HAPSTR1: variants seen among roughly 807,000 people sequenced by gnomAD.
HAPSTR1 encodes the protein HUWE1 associated protein modifying stress responses.
At chr16:9,119,044 C>CTTAT in the HAPSTR1 span, 5 of 152,590 alleles carry the variant, frequency 3.3e-5, no homozygotes, top group Non-Finnish European at 7.3e-5. Flanking sequence ...ATTTATATGC[C>CTTAT]TTATTGGCTT....
chr16:9,115,629 CTT>C, the HAPSTR1 span, among the ~76,000 whole-genome samples: 11 of 152,164 alleles, frequency 7.2e-5, no homozygotes, highest in Admixed American at 1.3e-4. Context: ...TAAAGTAACT[CTT>C]TTGTTTTTGA....
chr16:9,093,185 G>C, the HAPSTR1 span, among the ~76,000 whole-genome samples: 1 of 151,962 alleles, frequency 6.6e-6, no homozygotes, highest in Non-Finnish European at 1.5e-5. Context: ...ACCTCCCTCC[G>C]CCCCCCGGGA....
chr16:9,115,017 G>A, the HAPSTR1 span, among the ~76,000 whole-genome samples: 931 of 152,264 alleles, frequency 6.1e-3, 12 homozygotes, highest in African/African-American at 0.022. Context: ...TCTTCTGCAG[G>A]GAGAGCAGCC....
At chr16:9,113,384 C>G in the HAPSTR1 span, among the ~76,000 whole-genome samples, 1 of 152,152 alleles carries the variant, frequency 6.6e-6, no homozygotes, top group Non-Finnish European at 1.5e-5. Flanking sequence ...TTAGAATTTT[C>G]AGATTGACCA....
chr16:9,093,654 G>A, the HAPSTR1 span, among the ~76,000 whole-genome samples: 1 of 152,310 alleles, frequency 6.6e-6, no homozygotes, highest in East Asian at 1.9e-4. Context: ...TTGCTGGCAG[G>A]AATTCTGTTG....
chr16:9,115,500 A>T, the HAPSTR1 span, among the ~76,000 whole-genome samples: 2 of 152,294 alleles, frequency 1.3e-5, no homozygotes, highest in East Asian at 3.9e-4. Context: ...CCTGACTCAT[A>T]CCTTTCACAG....
chr16:9,119,065 T>A, the HAPSTR1 span: 2 of 152,670 alleles, frequency 1.3e-5, no homozygotes, highest in Non-Finnish European at 2.9e-5. Flanking sequence ...CATTAAACTT[T>A]TAGAAAACTT....
At chr16:9,115,638 T>C in the HAPSTR1 span, among the ~76,000 whole-genome samples, 1 of 152,178 alleles carries the variant, frequency 6.6e-6, no homozygotes, top group East Asian at 1.9e-4. Context: ...TCTTTTGTTT[T>C]TGAGACGGAG....
the HAPSTR1 span, among the ~76,000 whole-genome samples, chr16:9,097,240 CTT>C: frequency 1.4e-5 from 2 of 140,780 alleles, no homozygotes; most frequent in Admixed American, 7.0e-5. Flanking sequence ...GCGCCTGGCT[CTT>C]TTTTTTTTTT....
the HAPSTR1 span, chr16:9,116,606 T>C: frequency 6.4e-7 from 1 of 1,568,336 alleles, no homozygotes; most frequent in Non-Finnish European, 8.7e-7. Context: ...GGAAAGTAAG[T>C]GGGTTGCTTT....
the HAPSTR1 span, among the ~76,000 whole-genome samples, chr16:9,114,149 G>T: frequency 6.6e-6 from 1 of 152,136 alleles, no homozygotes; most frequent in Non-Finnish European, 1.5e-5. Context: ...GCTTGTGCCG[G>T]TTGGGGAAGA....
the HAPSTR1 span, among the ~76,000 whole-genome samples, chr16:9,116,068 T>G: frequency 1.3e-5 from 2 of 152,218 alleles, no homozygotes; most frequent in African/African-American, 4.8e-5. Context: ...TCACATAGCC[T>G]GATTTGTCCA....
the HAPSTR1 span, chr16:9,110,190 T>G: frequency 6.6e-6 from 1 of 150,732 alleles, no homozygotes; most frequent in South Asian, 2.1e-4. Context: ...AACTGAGTCT[T>G]TCTGTGGACT....
the HAPSTR1 span, chr16:9,091,782 G>A: frequency 7.6e-6 from 3 of 394,668 alleles, no homozygotes; most frequent in South Asian, 3.8e-4. Context: ...GCGAGGGGCG[G>A]CAGCGGTTAT....
At chr16:9,105,690 A>T in the HAPSTR1 span, 1 of 152,244 alleles carries the variant, frequency 6.6e-6, no homozygotes, top group South Asian at 2.1e-4. Flanking sequence ...TCACTCTTGC[A>T]TATTATTTGC....
chr16:9,091,999 G>A, the HAPSTR1 span: 1 of 1,446,756 alleles, frequency 6.9e-7, no homozygotes, highest in Non-Finnish European at 9.2e-7. Flanking sequence ...CCCGCCTGAG[G>A]AGGACGCGGC....
At chr16:9,093,012 C>G in the HAPSTR1 span, 4 of 1,605,386 alleles carry the variant, frequency 2.5e-6, no homozygotes, top group Non-Finnish European at 3.4e-6. Flanking sequence ...GTAAAGATAA[C>G]CTTGCTGCAT....
chr16:9,116,162 G>A, the HAPSTR1 span, among the ~76,000 whole-genome samples: 1 of 152,138 alleles, frequency 6.6e-6, no homozygotes, highest in African/African-American at 2.4e-5. Flanking sequence ...TGTTTTGGAT[G>A]GCAAGTTATG....
chr16:9,092,841 A>G, the HAPSTR1 span: 3 of 1,376,184 alleles, frequency 2.2e-6, no homozygotes, highest in East Asian at 4.9e-5. Context: ...CGCAAATAAC[A>G]TTCTTGTTCT....
Sources: gnomAD v4.1 joint callset for allele counts (sites outside exome capture counted in the v4.1 genomes callset) on GRCh38, gnomAD v4.1.1 for gene constraint, MANE v1.5 for transcripts, NCBI Gene and HGNC (gene_info 2026-07-23, HGNC 2026-07-21) for gene names.